The following PPFIA2 variants were observed in gnomAD, a reference collection of about 807,000 sequenced individuals.
PPFIA2 encodes the protein PPFI scaffold protein A2, also known as liprin-alpha-2.
A neutral mutation model predicts 175.5 loss-of-function variants in PPFIA2; 46 were observed. The ratio of observed to expected loss-of-function variants is 0.26; its 90% CI spans 0.21 to 0.34. PPFIA2 has a LOEUF of 0.34. Among genes scored for constraint, PPFIA2 ranks in the 10% least tolerant of loss-of-function variants. The pLI is 1.00. For synonymous variants in PPFIA2, 568 were observed against 511.4 expected (o/e 1.11, Z -1.49); for missense variants, 1,179 against 1,506.1 (o/e 0.78, Z 3.60).
At chr12:81,378,504 G>A (rs1172152254) in intron 9 of PPFIA2, among the ~76,000 whole-genome samples, 2 of 152,048 alleles carry the variant, frequency 1.3e-5, no homozygotes, top group Admixed American at 6.6e-5. Flanking sequence ...CCTAAATAAT[G>A]CCTACTATTT....
intron 4 of PPFIA2, among the ~76,000 whole-genome samples, chr12:81,563,784 G>T: frequency 6.6e-6 from 1 of 152,158 alleles, no homozygotes; most frequent in Admixed American, 6.5e-5. Flanking sequence ...AAGATATAAA[G>T]CCATTATCAT....
chr12:81,389,108 G>T (rs1002699013), intron 8 of PPFIA2, among the ~76,000 whole-genome samples: 2 of 146,662 alleles, frequency 1.4e-5, no homozygotes, highest in South Asian at 2.1e-4. Flanking sequence ...TGATGTTTTT[G>T]AATTTTATTC....
At chr12:81,345,925 A>G (rs1245118587) in intron 18 of PPFIA2, among the ~76,000 whole-genome samples, 1 of 152,154 alleles carries the variant, frequency 6.6e-6, no homozygotes, top group African/African-American at 2.4e-5. Flanking sequence ...AAGTGGAATC[A>G]GTTCTGATTA....
chr12:81,367,129 A>G lies in PPFIA2; in HGVS notation c.1524T>C (p.Leu508=). The change falls in exon 14 of 33, where the codon CTT becomes CTC. Residue 508 remains leucine, a synonymous_variant. Coordinates refer to ENST00000549396, the MANE Select transcript of PPFIA2 (RefSeq NM_003625.5). The part of the protein sequence containing the change: ...IQESETFRKN[L]EESLHDKERL... ...ATACCTTATCATGTAAAGATTCTTC[A>G]AGATTCTTTCTGAAAGTTTCTGATT... 1.4e-6 allele frequency: 2 copies of G among 1,441,084 alleles called. No individual in the cohort carries two copies. Among genetic ancestry groups the G allele is most frequent in the African/African-American group, 2.9e-5 (2 of 68,822 alleles). The allele number at this position is 1,441,084 out of a possible 1,614,324, so 89.3% of individuals were successfully genotyped here. A position where few individuals can be genotyped will look rare whatever the true frequency, so the allele number is the denominator to read the frequency against.
chr12:81,391,241 T>C (rs2040053546), intron 8 of PPFIA2, among the ~76,000 whole-genome samples: 1 of 151,916 alleles, frequency 6.6e-6, no homozygotes, highest in Non-Finnish European at 1.5e-5. Context: ...GATGAGTTAT[T>C]ATATTTCAAG....
intron 7 of PPFIA2, among the ~76,000 whole-genome samples, chr12:81,417,771 A>G (rs892023982): frequency 5.9e-5 from 9 of 151,796 alleles, no homozygotes; most frequent in Non-Finnish European, 1.2e-4. Flanking sequence ...AGGAAGCAGA[A>G]CTTAAGTGGT....
At chr12:81,493,764 A>AT (rs2059695705) in intron 4 of PPFIA2, among the ~76,000 whole-genome samples, 1 of 129,404 alleles carries the variant, frequency 7.7e-6, no homozygotes, top group Non-Finnish European at 1.6e-5. Context: ...CTATATATAT[A>AT]TATATATATA....
chr12:81,751,235 C>G (rs2083722081), intron 3 of PPFIA2, among the ~76,000 whole-genome samples: 1 of 151,862 alleles, frequency 6.6e-6, no homozygotes, highest in Non-Finnish European at 1.5e-5. Flanking sequence ...AAAAAGATAT[C>G]CTCAAAGTAT....
At chr12:81,281,227 C>A in intron 27 of PPFIA2, 30 bp downstream of exon 27, 2 of 1,459,176 alleles carry the variant, frequency 1.4e-6, no homozygotes, top group South Asian at 2.7e-5. Context: ...TTTAATTATT[C>A]TTTGGGGAAA....
intron 21 of PPFIA2, among the ~76,000 whole-genome samples, chr12:81,334,030 A>T (rs2056650747): frequency 6.6e-6 from 1 of 152,206 alleles, no homozygotes; most frequent in Non-Finnish European, 1.5e-5. Context: ...ACCACCTTTC[A>T]TTATCTGTTA....
At chr12:81,745,947 C>CTGTGCATTAATA (rs1327680732) in intron 3 of PPFIA2, among the ~76,000 whole-genome samples, 3 of 107,210 alleles carry the variant, frequency 2.8e-5, no homozygotes, top group South Asian at 3.1e-4. Context: ...AACAAACAAA[C>CTGTGCATTAATA]AGCTTTCCAA....
chr12:81,665,389 C>T (rs1053912263), intron 4 of PPFIA2, among the ~76,000 whole-genome samples: 1 of 151,996 alleles, frequency 6.6e-6, no homozygotes, highest in Non-Finnish European at 1.5e-5. Context: ...ACATTTGTAA[C>T]ACGTAACACT....
chr12:81,618,778 C>T (rs576220338), intron 4 of PPFIA2, among the ~76,000 whole-genome samples: 252 of 151,746 alleles, frequency 1.7e-3, no homozygotes, highest in Admixed American at 3.1e-3. Flanking sequence ...GTGATCCACC[C>T]GCCTCGGCCT....
chr12:81,339,674 A>C (rs562389584), intron 20 of PPFIA2, among the ~76,000 whole-genome samples: 2 of 152,138 alleles, frequency 1.3e-5, no homozygotes, highest in Admixed American at 1.3e-4. Flanking sequence ...TTGTCTATTT[A>C]TTTCTCAGAG....
At chr12:81,569,472 C>T (rs559518292) in intron 4 of PPFIA2, among the ~76,000 whole-genome samples, 3 of 152,224 alleles carry the variant, frequency 2.0e-5, no homozygotes, top group Non-Finnish European at 2.9e-5. Flanking sequence ...GCTTCCAATA[C>T]GTAAAATCAC....
chr12:81,494,298 C>T (rs1344556803), intron 4 of PPFIA2, among the ~76,000 whole-genome samples: 4 of 152,044 alleles, frequency 2.6e-5, no homozygotes, highest in African/African-American at 7.2e-5. Flanking sequence ...TGAACAGACA[C>T]TTCTCAAAAG....
intron 15 of PPFIA2, among the ~76,000 whole-genome samples, chr12:81,358,480 A>G (rs2061174320): frequency 6.6e-6 from 1 of 152,154 alleles, no homozygotes; most frequent in Non-Finnish European, 1.5e-5. Context: ...GTTTATTATC[A>G]TTTTCAAATG....
chr12:81,410,679 C>A (rs2043776507), intron 7 of PPFIA2, among the ~76,000 whole-genome samples: 1 of 151,884 alleles, frequency 6.6e-6, no homozygotes, highest in Admixed American at 6.6e-5. Flanking sequence ...CTTTCTTATT[C>A]TAATCCCACA....
intron 7 of PPFIA2, among the ~76,000 whole-genome samples, chr12:81,408,994 T>TC (rs1355643566): frequency 6.6e-6 from 1 of 152,158 alleles, no homozygotes; most frequent in Non-Finnish European, 1.5e-5. Flanking sequence ...TTTTAAAAAT[T>TC]CCCCTTTGGG....
Sources: allele counts gnomAD v4.1 joint callset (sites outside exome capture counted in the v4.1 genomes callset), GRCh38; gene constraint gnomAD v4.1.1; transcripts MANE v1.5; gene names NCBI Gene and HGNC (gene_info 2026-07-23, HGNC 2026-07-21).